ARID4B: variants seen among roughly 807,000 people sequenced by gnomAD.
ARID4B encodes AT-rich interactive domain-containing protein 4B.
In ARID4B, 26 loss-of-function variants were observed where a neutral mutation model predicts 147.5. That is an observed-to-expected ratio of 0.18 (90% CI 0.13 to 0.24). ARID4B has a LOEUF of 0.24. Ranked by LOEUF, ARID4B falls within the 10% of genes least tolerant of loss-of-function variation. ARID4B has a pLI of 1.00. For missense variants in ARID4B, 1,179 were observed against 1,511.5 expected (o/e 0.78, Z 3.65); for synonymous variants, 512 against 507.9 (o/e 1.01, Z -0.11).
intron 15 of ARID4B, 76 bp downstream of exon 15, chr1:235,220,226 T>C (rs1438719408): frequency 1.5e-6 from 2 of 1,308,846 alleles, no homozygotes; most frequent in South Asian, 1.6e-5. Flanking sequence ...ATACAATATA[T>C]TGATTTTGGA....
At position 235,243,480 on chromosome 1, in the gene ARID4B, G is replaced by A. The variant is rs1482702227; in HGVS notation, c.446+2940C>T. 4.6e-5 allele frequency among the ~76,000 whole-genome samples: 7 copies of A among 152,030 alleles called. No homozygotes were observed. The East Asian group carries it at 5.8e-4, about 13-fold the overall frequency. On this transcript the variant is annotated intron_variant, in intron 7 of 23. Coordinates refer to ENST00000264183, the MANE Select transcript of ARID4B (RefSeq NM_016374.6). Reference sequence around the variant, plus strand: ...TTGTAGAGCCACAACAAAATAATGCGCTGTCTCTATGAAATAAAATCTGAT... The same window carrying A: ...TTGTAGAGCCACAACAAAATAATGCACTGTCTCTATGAAATAAAATCTGAT...
chr1:235,261,407 C>T (rs955701093), intron 2 of ARID4B, among the ~76,000 whole-genome samples: 1 of 152,144 alleles, frequency 6.6e-6, no homozygotes, highest in African/African-American at 2.4e-5. Context: ...GCCTGTACTC[C>T]TAGCTACTTG....
intron 17 of ARID4B, among the ~76,000 whole-genome samples, chr1:235,198,749 A>G (rs1200573632): frequency 2.3e-4 from 35 of 152,258 alleles, no homozygotes. Flanking sequence ...GAAACAAACT[A>G]CATACATAGT....
chr1:235,324,069 C>G (rs1018621469), intron 2 of ARID4B, among the ~76,000 whole-genome samples: 4 of 151,926 alleles, frequency 2.6e-5, no homozygotes, highest in Non-Finnish European at 4.4e-5. Flanking sequence ...CCATGCCCAG[C>G]TAATTTTGTA....
chr1:235,287,238 G>A (rs377760653), intron 2 of ARID4B, among the ~76,000 whole-genome samples: 32 of 151,980 alleles, frequency 2.1e-4, no homozygotes, highest in African/African-American at 7.0e-4. Flanking sequence ...CAGCCTGGAC[G>A]ACAGAGTAAG....
At chr1:235,183,570 T>A (rs925370072) in intron 19 of ARID4B, among the ~76,000 whole-genome samples, 5 of 152,086 alleles carry the variant, frequency 3.3e-5, no homozygotes, top group African/African-American at 1.2e-4. Context: ...ACGGTCTCAC[T>A]CTCTCATCCA....
chr1:235,190,533 A>G (rs1223603065), intron 19 of ARID4B, among the ~76,000 whole-genome samples: 1 of 152,204 alleles, frequency 6.6e-6, no homozygotes, highest in Non-Finnish European at 1.5e-5. Context: ...AGAATCAGGA[A>G]TTGGAAGAGC....
intron 2 of ARID4B, among the ~76,000 whole-genome samples, chr1:235,322,026 GA>G (rs896483107): frequency 5.3e-5 from 8 of 150,104 alleles, no homozygotes; most frequent in African/African-American, 1.2e-4. Context: ...TAGTTTTCAA[GA>G]AAAAATTTTT....
At position 235,174,704 on chromosome 1, in the gene ARID4B, C is replaced by T. The variant is rs992132675; in HGVS notation, c.3664+480G>A. On this transcript the variant is annotated intron_variant, in intron 22 of 23. Coordinates refer to ENST00000264183, the MANE Select transcript of ARID4B (RefSeq NM_016374.6). ...GTGGGCGTCTGTAATCCCAACTACT[C>T]GGGAGGTTGAGGCAGGAGAATCATT... Among the ~76,000 whole-genome samples, 11 of 151,740 alleles carry T rather than the reference C, an allele frequency of 7.2e-5. 1 individual carries two copies. The highest frequency in any genetic ancestry group is 4.8e-5 in the African/African-American group (2 of 41,370).
At chr1:235,208,036 C>A (rs956256270) in intron 17 of ARID4B, among the ~76,000 whole-genome samples, 1 of 152,102 alleles carries the variant, frequency 6.6e-6, no homozygotes, top group Non-Finnish European at 1.5e-5. Context: ...AGCTGGTGAT[C>A]TTCAACATAC....
At chr1:235,215,794 G>T (rs981412167) in intron 16 of ARID4B, among the ~76,000 whole-genome samples, 3 of 151,578 alleles carry the variant, frequency 2.0e-5, no homozygotes, top group Non-Finnish European at 4.4e-5. Flanking sequence ...TCACTATGTT[G>T]TTTAGGCTGG....
chr1:235,300,709 CT>C (rs111362486), intron 2 of ARID4B, among the ~76,000 whole-genome samples: 2,298 of 149,076 alleles, frequency 0.015, 45 homozygotes, highest in African/African-American at 0.046. Context: ...TACAAGAATA[CT>C]TTTTTTTTTA....
At chr1:235,208,769 G>T (rs907232750) in intron 17 of ARID4B, among the ~76,000 whole-genome samples, 1 of 151,964 alleles carries the variant, frequency 6.6e-6, no homozygotes, top group Non-Finnish European at 1.5e-5. Flanking sequence ...CGCCCACCTC[G>T]GCCTCCCAAA....
chr1:235,222,894 G>GGC (rs1667565648), intron 13 of ARID4B, among the ~76,000 whole-genome samples: 1 of 151,786 alleles, frequency 6.6e-6, no homozygotes, highest in South Asian at 2.1e-4. Context: ...TGTTGGCCAG[G>GGC]CTGTTCTTGA....
chr1:235,239,078 G>A (rs1361810010), intron 8 of ARID4B, among the ~76,000 whole-genome samples: 1 of 151,572 alleles, frequency 6.6e-6, no homozygotes, highest in African/African-American at 2.4e-5. Flanking sequence ...CGCCTCCTGG[G>A]TTCAAGCTAT....
Position 235,182,392 on chromosome 1 carries a change from C to T in ARID4B, c.2527G>A (p.Glu843Lys). Residue 843 changes from glutamate to lysine, a missense_variant, in exon 20 of 24, where the codon GAA (glutamate) becomes AAA (lysine). Physicochemically the swap from Glu to Lys is moderately conservative, Grantham distance 56. This residue lies in a region of ARID4B where 321 missense variants were observed against 342.4 expected (regional missense o/e 0.94). Coordinates refer to ENST00000264183, the MANE Select transcript of ARID4B (RefSeq NM_016374.6). Reference protein sequence around the residue: ...CLKTGSPGKKEEKAKNKESLC... With the variant: ...CLKTGSPGKKKEKAKNKESLC... The stretch of plus-strand genomic sequence containing the variant: ...GATTCTTTGTTCTTGGCCTTCTCTT[C>T]CTTTTTGCCAGGTGATCCAGTTTTT... The T allele has an allele frequency of 5.6e-6, 9 of 1,609,332 alleles. No homozygotes were observed. The highest frequency in any genetic ancestry group is 6.8e-6 in the Non-Finnish European group (8 of 1,178,944).
rs560118313 is a variant in ARID4B, at chr1:235,267,599, G to A, written c.7-6847C>T. Among the ~76,000 whole-genome samples the A allele has an allele frequency of 4.2e-3, 643 of 152,306 alleles. 6 individuals carry two copies. Among genetic ancestry groups the A allele is most frequent in the African/African-American group, 0.015 (608 of 41,572 alleles). On this transcript the variant is annotated intron_variant, in intron 2 of 23. Coordinates refer to ENST00000264183, the MANE Select transcript of ARID4B (RefSeq NM_016374.6). ...TGTAATCCCAGCACTCTGGGAGGCC[G>A]AGGCGGGTGGATCACGAGGTCAGGA...
intron 2 of ARID4B, among the ~76,000 whole-genome samples, chr1:235,280,833 T>A (rs1671621414): frequency 6.6e-6 from 1 of 152,114 alleles, no homozygotes; most frequent in South Asian, 2.1e-4. Context: ...AAACCATGGT[T>A]TCGGAAGGAT....
intron 12 of ARID4B, 150 bp downstream of exon 12, chr1:235,224,553 C>T: frequency 1.6e-6 from 1 of 632,842 alleles, no homozygotes; most frequent in Non-Finnish European, 2.8e-6. Context: ...GTGACAGGCG[C>T]TATGCTAGGT....
Sources: gnomAD v4.1 joint callset for allele counts (sites outside exome capture counted in the v4.1 genomes callset) on GRCh38, gnomAD v4.1.1 for gene constraint, gnomAD v4.1.1 regional missense constraint, MANE v1.5 for transcripts, NCBI Gene and HGNC (gene_info 2026-07-23, HGNC 2026-07-21) for gene names.